Variants in IRAK1BP1 observed in about 807,000 individuals in gnomAD.
IRAK1BP1 encodes the protein interleukin-1 receptor-associated kinase 1-binding protein 1.
A neutral mutation model predicts 28.0 loss-of-function variants in IRAK1BP1; 24 were observed. The observed-to-expected ratio is 0.86, with a 90% CI of 0.62 to 1.20. The LOEUF (loss-of-function observed/expected upper bound fraction) is 1.20. Among genes scored for constraint, IRAK1BP1 ranks in the 50% most tolerant of loss-of-function variants. The pLI is 0.00. For missense variants in IRAK1BP1, 336 were observed against 316.7 expected (o/e 1.06, Z -0.46); for synonymous variants, 131 against 116.3 (o/e 1.13, Z -0.81).
At chr6:78,871,464 C>T in intron 1 of IRAK1BP1, 1 of 985,540 alleles carries the variant, frequency 1.0e-6, no homozygotes. Context: ...CCACCTCAGC[C>T]ACCATGACAC....
intron 4 of IRAK1BP1, among the ~76,000 whole-genome samples, chr6:78,917,816 C>T (rs1772601308): frequency 6.6e-6 from 1 of 152,086 alleles, no homozygotes; most frequent in African/African-American, 2.4e-5. Flanking sequence ...TCATATCCTG[C>T]CAAACTAAGC....
chr6:78,971,278 C>T, the IRAK1BP1 span, among the ~76,000 whole-genome samples: 48 of 152,260 alleles, frequency 3.2e-4, no homozygotes, highest in African/African-American at 1.1e-3. Flanking sequence ...AATGTACTTT[C>T]ACATATATTT....
At chr6:78,945,442 A>C (rs1020544845) in exon 5 of IRAK1BP1, 3 of 1,611,610 alleles carry the variant, frequency 1.9e-6, no homozygotes, top group Non-Finnish European at 2.5e-6. Flanking sequence ...AACTGGATTG[A>C]CCAGGACTGG....
chr6:78,973,280 C>T, the IRAK1BP1 span, among the ~76,000 whole-genome samples: 6 of 151,324 alleles, frequency 4.0e-5, no homozygotes, highest in African/African-American at 1.5e-4. Context: ...CCAAAGTAAG[C>T]TTCATAAGTG....
At chr6:78,885,549 G>T in intron 2 of IRAK1BP1, 106 bp downstream of exon 2, 1 of 540,900 alleles carries the variant, frequency 1.8e-6, no homozygotes, top group Non-Finnish European at 3.3e-6. Context: ...GATATTAATA[G>T]AAGATTATTT....
intron 1 of IRAK1BP1, among the ~76,000 whole-genome samples, chr6:78,879,579 A>G (rs1771146750): frequency 6.6e-6 from 1 of 152,212 alleles, no homozygotes; most frequent in African/African-American, 2.4e-5. Flanking sequence ...AAATTGGTCA[A>G]TATTGAGCAT....
In IRAK1BP1 at chr6:78,901,154, C is replaced by T. The variant is rs921538631; in HGVS notation, c.*2820C>T. On this transcript the variant is annotated 3_prime_UTR_variant, in exon 4 of 4. Coordinates refer to ENST00000369940, the MANE Select transcript of IRAK1BP1 (RefSeq NM_001010844.4). ...GGTTGCATCATATTTGATAAAGAAG[C>T]TTCCAACTTAGCATGAAATACCTAA... 4 of 149,162 alleles carry T rather than the reference C, an allele frequency of 2.7e-5. No individual in the cohort carries two copies. Among genetic ancestry groups the T allele is most frequent in the Non-Finnish European group, 1.5e-5 (1 of 67,424 alleles). The allele number at this position is 149,162 out of a possible 1,614,324, so 9.2% of individuals were successfully genotyped here. A position where few individuals can be genotyped will look rare whatever the true frequency, so the allele number is the denominator to read the frequency against.
the IRAK1BP1 span, among the ~76,000 whole-genome samples, chr6:78,968,808 G>A: frequency 6.6e-6 from 1 of 151,976 alleles, no homozygotes; most frequent in East Asian, 1.9e-4. Flanking sequence ...ATCTCTAACA[G>A]CTCAAGCTGT....
At chr6:78,920,052 G>A (rs1055881672) in intron 4 of IRAK1BP1, among the ~76,000 whole-genome samples, 12 of 152,070 alleles carry the variant, frequency 7.9e-5, no homozygotes, top group African/African-American at 1.7e-4. Flanking sequence ...TCAGGAAATC[G>A]AGACCATCCT....
chr6:78,915,179 G>A (rs1772529163), intron 4 of IRAK1BP1, among the ~76,000 whole-genome samples: 1 of 152,158 alleles, frequency 6.6e-6, no homozygotes, highest in African/African-American at 2.4e-5. Context: ...TGCCTCAAAT[G>A]TGAACTTCTG....
chr6:78,973,076 C>T, the IRAK1BP1 span, among the ~76,000 whole-genome samples: 1 of 152,040 alleles, frequency 6.6e-6, no homozygotes, highest in Non-Finnish European at 1.5e-5. Flanking sequence ...ACATAATTGT[C>T]AGATTCACCA....
At chr6:78,944,111 G>A (rs983308027) in intron 4 of IRAK1BP1, among the ~76,000 whole-genome samples, 1 of 151,456 alleles carries the variant, frequency 6.6e-6, no homozygotes, top group Non-Finnish European at 1.5e-5. Context: ...ATTAAACTAG[G>A]AGGGAAAAAA....
Position 78,927,058 on chromosome 6 carries a change from A to G in IRAK1BP1, c.*68-18350A>G, listed in dbSNP as rs532696439. 2.0e-5 allele frequency among the ~76,000 whole-genome samples: 3 copies of G among 152,228 alleles called. No individual in the cohort carries two copies. In the East Asian group the frequency reaches 5.8e-4, roughly 29 times the overall value. ...ACTGATTTCCTTTTTTTTTTGGTGT[A>G]TACCCAACAGTCGGATTGCTGGATC... On this transcript the variant is annotated intron_variant and NMD_transcript_variant, in intron 4 of 4. Transcript: ENST00000606868.
chr6:78,955,562 T>G, the IRAK1BP1 span: 1 of 654,442 alleles, frequency 1.5e-6, no homozygotes, highest in East Asian at 2.9e-5. Context: ...ATATGTAAAT[T>G]TTTTTATATA....
At chr6:78,936,719 T>G (rs527688166) in intron 4 of IRAK1BP1, 1 of 152,014 alleles carries the variant, frequency 6.6e-6, no homozygotes, top group South Asian at 2.1e-4. Context: ...ACAAGGTTTA[T>G]CTCTGGAGCG....
chr6:78,919,253 C>T (rs753804797), intron 4 of IRAK1BP1, among the ~76,000 whole-genome samples: 11 of 152,028 alleles, frequency 7.2e-5, no homozygotes, highest in Non-Finnish European at 1.3e-4. Flanking sequence ...AGAAAGATCT[C>T]AAATAAATGT....
the IRAK1BP1 span, among the ~76,000 whole-genome samples, chr6:78,976,194 A>G: frequency 6.7e-6 from 1 of 149,656 alleles, no homozygotes; most frequent in African/African-American, 2.4e-5. Context: ...TCAATGGAAC[A>G]GAACAGAGCC....
intron 2 of IRAK1BP1, among the ~76,000 whole-genome samples, chr6:78,889,397 A>G (rs1334423619): frequency 1.3e-5 from 2 of 152,070 alleles, no homozygotes; most frequent in Non-Finnish European, 2.9e-5. Flanking sequence ...ACCAAAAGCA[A>G]TTGCAACAAA....
chr6:78,975,634 C>T, the IRAK1BP1 span, among the ~76,000 whole-genome samples: 3 of 152,172 alleles, frequency 2.0e-5, no homozygotes, highest in African/African-American at 4.8e-5. Flanking sequence ...CCCACTGTCT[C>T]AGCCCAAAAT....
Sources: allele counts gnomAD v4.1 joint callset (sites outside exome capture counted in the v4.1 genomes callset), GRCh38; gene constraint gnomAD v4.1.1; transcripts MANE v1.5; gene names NCBI Gene and HGNC (gene_info 2026-07-23, HGNC 2026-07-21).